Variants in TAF5 observed in about 807,000 individuals in gnomAD.
The protein encoded by TAF5 is transcription initiation factor TFIID subunit 5.
In TAF5, 20 loss-of-function variants were observed where a neutral mutation model predicts 80.9. The ratio of observed to expected loss-of-function variants is 0.25; its 90% CI spans 0.17 to 0.36. The LOEUF (loss-of-function observed/expected upper bound fraction) is 0.36. Ranked by LOEUF, TAF5 falls within the 10% of genes least tolerant of loss-of-function variation. The pLI is 1.00. For missense variants in TAF5, 863 were observed against 1,029.4 expected (o/e 0.84, Z 2.21); for synonymous variants, 388 against 406.4 (o/e 0.95, Z 0.55).
Position 103,378,956 on chromosome 10 carries a change from G to A in TAF5, c.1113+406G>A, listed in dbSNP as rs1230790076. Among the ~76,000 whole-genome samples, 1 of 152,174 alleles carries A rather than the reference G, an allele frequency of 6.6e-6. No homozygotes were observed. The highest frequency in any genetic ancestry group is 1.5e-5 in the Non-Finnish European group (1 of 68,030). ...ATAACAGGCGTGAGCTACTGCGCCT[G>A]GCCGCTTGGAAACAATTTTATACTG... On this transcript the variant is annotated intron_variant, in intron 3 of 10. Coordinates refer to ENST00000369839, the MANE Select transcript of TAF5 (RefSeq NM_006951.5). The surrounding 1 kb of genome is among the most constrained non-coding windows in gnomAD (Gnocchi z 4.1).
At chr10:103,383,431 T>C in intron 7 of TAF5, 64 bp downstream of exon 7, 9 of 1,435,472 alleles carry the variant, frequency 6.3e-6, no homozygotes, top group Non-Finnish European at 8.4e-6. Context: ...AAAAGTTAAC[T>C]ACTGGAAACA....
In TAF5 at chr10:103,368,402, G is replaced by T. The variant is rs769149278; in HGVS notation, c.413G>T (p.Ser138Ile). Residue 138 changes from serine (S) to isoleucine (I), a missense_variant, in exon 1 of 11, where the codon AGC becomes ATC. By Grantham distance (142) the Ser-to-Ile change is moderately radical. Around this residue, in one of 3 missense-constraint regions of TAF5, gnomAD observed 367 missense variants for 335.5 expected, o/e 1.09. Coordinates refer to ENST00000369839, the MANE Select transcript of TAF5 (RefSeq NM_006951.5). The stretch of plus-strand genomic sequence containing the variant: ...TCCGGAGCCCCGGGAGAGGTGGACA[G>T]CGCCGGCGCTGAGGTGACCAGCGCG... Reference protein sequence around the residue: ...AGSGAPGEVDSAGAEVTSALL... With the variant: ...AGSGAPGEVDIAGAEVTSALL... The T allele has an allele frequency of 1.2e-5, 19 of 1,566,406 alleles. No individual in the cohort carries two copies. The African/African-American group carries it at 2.6e-4, about 21-fold the overall frequency.
chr10:103,369,953 G>A (rs1160918201), intron 1 of TAF5, among the ~76,000 whole-genome samples: 1 of 151,914 alleles, frequency 6.6e-6, no homozygotes, highest in Non-Finnish European at 1.5e-5. Flanking sequence ...CGTATTGGCC[G>A]GGCGTCGTGG....
chr10:103,387,176 C>T lies in TAF5; in HGVS notation c.1831C>T (p.Leu611Phe). The change falls in exon 9 of 11, where the codon CTC becomes TTC. Residue 611 changes from leucine to phenylalanine, a missense_variant and splice_region_variant. Around this residue, in one of 3 missense-constraint regions of TAF5, gnomAD observed 368 missense variants for 461.7 expected, o/e 0.80. Coordinates refer to ENST00000369839, the MANE Select transcript of TAF5 (RefSeq NM_006951.5). ...VSGGHDRVAR[L>F]WATDHYQPLR... ...TTGCTTTCAATAACTTTATAAAAGG[C>T]TCTGGGCTACAGACCACTATCAGCC... is the stretch of plus-strand genomic sequence containing the variant. 2 of 1,609,584 alleles carry T rather than the reference C, an allele frequency of 1.2e-6. No individual in the cohort carries two copies. The highest frequency in any genetic ancestry group is 1.7e-6 in the Non-Finnish European group (2 of 1,177,460).
At chr10:103,371,148 C>T (rs1360331660) in intron 1 of TAF5, among the ~76,000 whole-genome samples, 1 of 151,074 alleles carries the variant, frequency 6.6e-6, no homozygotes, top group Non-Finnish European at 1.5e-5. Flanking sequence ...GAGGCTGAGG[C>T]AGGTGAACCA....
chr10:103,376,242 T>C (rs1052671039), intron 2 of TAF5, among the ~76,000 whole-genome samples: 3 of 151,710 alleles, frequency 2.0e-5, no homozygotes, highest in Admixed American at 2.0e-4. Context: ...CAGGCATGCA[T>C]CACCATGCCT....
At chr10:103,385,104 G>A (rs751647127) in intron 7 of TAF5, among the ~76,000 whole-genome samples, 3 of 151,972 alleles carry the variant, frequency 2.0e-5, no homozygotes, top group Non-Finnish European at 4.4e-5. Flanking sequence ...GTAGGTGCTC[G>A]GTATATGTAG....
At chr10:103,385,529 G>T in intron 8 of TAF5, 39 bp downstream of exon 8, 1 of 1,596,374 alleles carries the variant, frequency 6.3e-7, no homozygotes, top group South Asian at 1.1e-5. Context: ...TCTATTCAAT[G>T]AACAGAATGG....
At chr10:103,376,056 C>CAA (rs373587088) in intron 2 of TAF5, among the ~76,000 whole-genome samples, 53 of 131,278 alleles carry the variant, frequency 4.0e-4, no homozygotes, top group Middle Eastern at 3.8e-3. Flanking sequence ...AAGTCTATCT[C>CAA]AAAAAAAAAA....
intron 1 of TAF5, 64 bp from the exon 2 acceptor site, chr10:103,373,294 A>G (rs781739299): frequency 1.4e-5 from 19 of 1,348,448 alleles, no homozygotes; most frequent in Non-Finnish European, 2.0e-5. Context: ...GGCTTTAACA[A>G]TACAGCCATA....
chr10:103,388,791 A>G lies in TAF5; in HGVS notation c.*568A>G, dbSNP rs2093404319. ...CACCCACTGACATCTGAATTTATAT[A>G]CCTGTTGAGTTTTGAGTGCACCCAA... On this transcript the variant is annotated 3_prime_UTR_variant, in exon 11 of 11. Transcript: ENST00000369839. 4 of 153,230 alleles carry G rather than the reference A, an allele frequency of 2.6e-5. No homozygotes were observed. The highest frequency in any genetic ancestry group is 7.2e-5 in the African/African-American group (3 of 41,434). The allele number at this position is 153,230 out of a possible 1,614,324, so 9.5% of individuals were successfully genotyped here.
intron 2 of TAF5, 73 bp downstream of exon 2, chr10:103,373,668 T>A: frequency 8.7e-7 from 1 of 1,143,224 alleles, no homozygotes; most frequent in Non-Finnish European, 1.2e-6. Flanking sequence ...TGTTTTCACA[T>A]CTGTAACCAC....
At position 103,368,565 on chromosome 10, in the gene TAF5, C is replaced by A; in HGVS notation, c.559+17C>A. 1 of 1,463,354 alleles carries A rather than the reference C, an allele frequency of 6.8e-7. No individual in the cohort carries two copies. Among genetic ancestry groups the A allele is most frequent in the Middle Eastern group, 2.2e-4 (1 of 4,646 alleles). The allele number at this position is 1,463,354 out of a possible 1,614,324, so 90.6% of individuals were successfully genotyped here. A position where few individuals can be genotyped will look rare whatever the true frequency, so the allele number is the denominator to read the frequency against. On this transcript the variant is annotated intron_variant, in intron 1 of 10. Transcript: ENST00000369839. ...CGGGTAAAGGTGAGCCGTGGGGTCC[C>A]GGGTAGGTACGGCCGCCGCGAAGGG...
chr10:103,387,983 G>A (rs45589131), intron 10 of TAF5, 23 bp from the exon 11 acceptor site: 5 of 1,593,030 alleles, frequency 3.1e-6, no homozygotes, highest in Non-Finnish European at 4.3e-6. Context: ...TGCAACTAAT[G>A]GTTTCCTTTG....
chr10:103,379,856 T>A, intron 4 of TAF5, 28 bp from the exon 5 acceptor site: 6 of 1,606,360 alleles, frequency 3.7e-6, no homozygotes, highest in Non-Finnish European at 5.1e-6. Flanking sequence ...AGTCAAAAGG[T>A]AATTTTGACT....
Position 103,387,548 on chromosome 10 carries a change from C to T in TAF5, c.2035C>T (p.Pro679Ser). 1.2e-6 allele frequency: 2 copies of T among 1,613,852 alleles called. No homozygotes were observed. Among genetic ancestry groups the T allele is most frequent in the Non-Finnish European group, 1.7e-6 (2 of 1,179,918 alleles). The change falls in exon 10 of 11, where the codon CCC (proline) becomes TCC (serine). Residue 679 changes from proline (P) to serine (S), a missense_variant. Physicochemically the swap from Pro to Ser is moderately conservative, Grantham distance 74. Transcript: ENST00000369839. ...ACCAATTCATTCCTTGACATTTTCT[C>T]CCAATGGGAGATTCCTGGCTACAGG... ...KGPIHSLTFSPNGRFLATGAT... is the reference protein window; with the variant it reads ...KGPIHSLTFSSNGRFLATGAT...
chr10:103,369,867 C>T (rs2093355124), intron 1 of TAF5, among the ~76,000 whole-genome samples: 1 of 152,114 alleles, frequency 6.6e-6, no homozygotes. Context: ...ATTGGACAGA[C>T]CTTTTTGTCT....
intron 1 of TAF5, among the ~76,000 whole-genome samples, chr10:103,372,703 C>G (rs1222430682): frequency 6.6e-6 from 1 of 150,720 alleles, no homozygotes; most frequent in African/African-American, 2.4e-5. Context: ...TGAGACTAGC[C>G]TGGTCAACAT....
chr10:103,371,155 A>T (rs1452250531), intron 1 of TAF5, among the ~76,000 whole-genome samples: 6 of 151,652 alleles, frequency 4.0e-5, no homozygotes, highest in Non-Finnish European at 1.5e-5. Context: ...AGGCAGGTGA[A>T]CCACTTTAAC....
Sources: allele counts gnomAD v4.1 joint callset (sites outside exome capture counted in the v4.1 genomes callset), GRCh38; gene constraint gnomAD v4.1.1; regional missense constraint gnomAD v4.1.1; non-coding constraint Gnocchi (gnomAD v3.1); transcripts MANE v1.5; gene names NCBI Gene and HGNC (gene_info 2026-07-23, HGNC 2026-07-21).